TTC28: variants seen among roughly 807,000 people sequenced by gnomAD.
The protein encoded by TTC28 is tetratricopeptide repeat domain 28.
In TTC28, 61 loss-of-function variants were observed where a neutral mutation model predicts 198.0. The ratio of observed to expected loss-of-function variants is 0.31; its 90% confidence interval spans 0.25 to 0.38. The LOEUF (loss-of-function observed/expected upper bound fraction) is 0.38. Ranked by LOEUF, TTC28 falls within the 10% of genes least tolerant of loss-of-function variation. The pLI, the probability that TTC28 is intolerant of heterozygous loss-of-function variation, is 1.00. For synonymous variants in TTC28, 1,171 were observed against 1,297.8 expected (o/e 0.90, Z 2.10); for missense variants, 2,678 against 3,164.0 (o/e 0.85, Z 3.69).
At chr22:28,484,077 G>GT (rs1192273007) in intron 2 of TTC28, among the ~76,000 whole-genome samples, 2 of 151,920 alleles carry the variant, frequency 1.3e-5, no homozygotes, top group African/African-American at 2.4e-5. Flanking sequence ...CACCCCCAAA[G>GT]TTTTTTTTAT....
intron 6 of TTC28, among the ~76,000 whole-genome samples, chr22:28,110,933 T>C (rs1196412960): frequency 6.8e-6 from 1 of 146,766 alleles, no homozygotes; most frequent in Non-Finnish European, 1.5e-5. Flanking sequence ...AGACCCTGCC[T>C]TTAAAAAAAA....
chr22:28,438,365 G>T (rs924496542), intron 2 of TTC28, among the ~76,000 whole-genome samples: 9 of 152,102 alleles, frequency 5.9e-5, no homozygotes, highest in African/African-American at 2.2e-4. Context: ...AATCTACAGG[G>T]CATAATCCTC....
intron 6 of TTC28, among the ~76,000 whole-genome samples, chr22:28,147,037 G>A (rs988294085): frequency 6.6e-6 from 1 of 152,174 alleles, no homozygotes; most frequent in Non-Finnish European, 1.5e-5. Context: ...TGAAAACTGA[G>A]AGCCTGTATT....
intron 2 of TTC28, among the ~76,000 whole-genome samples, chr22:28,390,813 TC>T (rs2046705671): frequency 6.6e-6 from 1 of 152,346 alleles, no homozygotes; most frequent in East Asian, 1.9e-4. Context: ...CCAGTCTGTG[TC>T]TTTTAATTGG....
intron 5 of TTC28, among the ~76,000 whole-genome samples, chr22:28,253,316 T>G (rs530883198): frequency 6.6e-6 from 1 of 152,318 alleles, no homozygotes; most frequent in African/African-American, 2.4e-5. Context: ...GTATTTAACT[T>G]TAATTATAGA....
At chr22:28,260,734 T>C (rs1931259711) in intron 5 of TTC28, among the ~76,000 whole-genome samples, 1 of 152,166 alleles carries the variant, frequency 6.6e-6, no homozygotes, top group African/African-American at 2.4e-5. Flanking sequence ...TGGCACCCAG[T>C]AAATCTGTAC....
chr22:28,304,689 A>C (rs2045100820), intron 3 of TTC28, among the ~76,000 whole-genome samples: 1 of 152,188 alleles, frequency 6.6e-6, no homozygotes, highest in Admixed American at 6.5e-5. Context: ...GATCGCTTCA[A>C]AGGCAAAATG....
At chr22:28,321,836 C>T (rs1368655868) in intron 2 of TTC28, among the ~76,000 whole-genome samples, 1 of 151,942 alleles carries the variant, frequency 6.6e-6, no homozygotes, top group Non-Finnish European at 1.5e-5. Context: ...CCTTGGAAAA[C>T]CCTGTAATAA....
intron 5 of TTC28, among the ~76,000 whole-genome samples, chr22:28,200,689 T>C (rs1297867687): frequency 6.6e-6 from 1 of 151,584 alleles, no homozygotes; most frequent in Non-Finnish European, 1.5e-5. Flanking sequence ...AACAAACAGG[T>C]GGAATACAGT....
At chr22:28,386,029 C>T (rs1453271505) in intron 2 of TTC28, among the ~76,000 whole-genome samples, 1 of 151,928 alleles carries the variant, frequency 6.6e-6, no homozygotes, top group Non-Finnish European at 1.5e-5. Context: ...GTAATCCCAG[C>T]ACTTTGGGAG....
At chr22:28,408,679 G>C (rs547003291) in intron 2 of TTC28, among the ~76,000 whole-genome samples, 34 of 152,216 alleles carry the variant, frequency 2.2e-4, no homozygotes, top group Non-Finnish European at 4.0e-4. Flanking sequence ...GTAAGCCACT[G>C]CATCCGGCCC....
At chr22:28,488,127 T>C (rs960298695) in intron 2 of TTC28, among the ~76,000 whole-genome samples, 2 of 152,152 alleles carry the variant, frequency 1.3e-5, no homozygotes, top group African/African-American at 4.8e-5. Context: ...GGGGGAGTTA[T>C]GAACAATTAG....
chr22:28,212,439 G>C (rs1305512730), intron 5 of TTC28, among the ~76,000 whole-genome samples: 1 of 134,650 alleles, frequency 7.4e-6, no homozygotes, highest in Non-Finnish European at 1.7e-5. Flanking sequence ...AAATAATAAA[G>C]GGGATATCAC....
intron 2 of TTC28, among the ~76,000 whole-genome samples, chr22:28,443,888 A>T (rs2047662407): frequency 6.6e-6 from 1 of 152,232 alleles, no homozygotes; most frequent in African/African-American, 2.4e-5. Context: ...CTAGAGAAAA[A>T]AAAGGAAAAG....
chr22:28,391,458 C>G (rs1401716511), intron 2 of TTC28, among the ~76,000 whole-genome samples: 1 of 152,196 alleles, frequency 6.6e-6, no homozygotes, highest in Non-Finnish European at 1.5e-5. Context: ...GTTCCATTCT[C>G]CCCGTCACTT....
At chr22:28,066,305 G>GTGTGTGT in intron 12 of TTC28, among the ~76,000 whole-genome samples, 1 of 118,412 alleles carries the variant, frequency 8.4e-6, no homozygotes, top group South Asian at 2.6e-4. Context: ...TGTGTGTGTG[G>GTGTGTGT]TGTGTGTGTG....
At chr22:27,984,347 T>TATCA (rs1320922881) in intron 22 of TTC28, among the ~76,000 whole-genome samples, 11 of 152,094 alleles carry the variant, frequency 7.2e-5, no homozygotes, top group Admixed American at 3.3e-4. Flanking sequence ...TTTTAGTCCC[T>TATCA]ATCATTCTTA....
At chr22:28,610,785 A>G (rs1387054952) in intron 2 of TTC28, among the ~76,000 whole-genome samples, 2 of 152,160 alleles carry the variant, frequency 1.3e-5, no homozygotes, top group African/African-American at 2.4e-5. Flanking sequence ...AAGCCAAAGG[A>G]TCATTTTCAA....
At chr22:28,259,635 G>A (rs1020446106) in intron 5 of TTC28, among the ~76,000 whole-genome samples, 2 of 151,912 alleles carry the variant, frequency 1.3e-5, no homozygotes, top group African/African-American at 4.8e-5. Flanking sequence ...CATGTTCAAT[G>A]GATGAAGCAT....
Sources: allele counts gnomAD v4.1 joint callset (sites outside exome capture counted in the v4.1 genomes callset), GRCh38; gene constraint gnomAD v4.1.1; transcripts MANE v1.5; gene names NCBI Gene and HGNC (gene_info 2026-07-23, HGNC 2026-07-21).